Variants in MITF observed in about 807,000 individuals in gnomAD.
MITF encodes the protein melanocyte inducing transcription factor.
Under a neutral mutation model 60.5 loss-of-function variants are expected in MITF, and 17 were observed. The observed-to-expected ratio is 0.28, with a 90% CI of 0.19 to 0.42. The LOEUF (loss-of-function observed/expected upper bound fraction) is 0.42, where lower values mean the gene tolerates loss of function less well. MITF is among the 10% of genes least tolerant of loss of function. MITF has a pLI of 1.00. For missense variants in MITF, 622 were observed against 683.5 expected, an observed-to-expected ratio of 0.91 and a Z score of 1.00; for synonymous variants, 260 against 248.5, an observed-to-expected ratio of 1.05 and a Z score of -0.43.
chr3:69,877,149 T>TA (rs1295527858), intron 1 of MITF, among the ~76,000 whole-genome samples: 1 of 152,150 alleles, frequency 6.6e-6, no homozygotes. Flanking sequence ...TTGCACAATT[T>TA]AAAAAAATAG....
chr3:69,878,173 C>G (rs2107271958), intron 1 of MITF, among the ~76,000 whole-genome samples: 1 of 152,194 alleles, frequency 6.6e-6, no homozygotes, highest in African/African-American at 2.4e-5. Flanking sequence ...TTTAAAAGAA[C>G]AGCTCCCACC....
At chr3:69,853,517 A>G (rs2063861486) in intron 1 of MITF, among the ~76,000 whole-genome samples, 1 of 152,146 alleles carries the variant, frequency 6.6e-6, no homozygotes, top group Non-Finnish European at 1.5e-5. Context: ...GTAAAGACCA[A>G]TAAAATGAAT....
chr3:69,836,451 T>C (rs1197263723), intron 1 of MITF, among the ~76,000 whole-genome samples: 6 of 152,336 alleles, frequency 3.9e-5, no homozygotes, highest in African/African-American at 1.4e-4. Flanking sequence ...CTGGTAGGTT[T>C]AAATGCTACA....
chr3:69,871,906 G>C (rs1032015136), intron 1 of MITF, among the ~76,000 whole-genome samples: 2 of 152,138 alleles, frequency 1.3e-5, no homozygotes, highest in African/African-American at 4.8e-5. Context: ...ACTCTCAGTG[G>C]AGCATCTTGC....
chr3:69,869,049 G>C (rs928632886), intron 1 of MITF, among the ~76,000 whole-genome samples: 1 of 152,102 alleles, frequency 6.6e-6, no homozygotes, highest in Non-Finnish European at 1.5e-5. Context: ...GATCCCTAGA[G>C]CCCAGAGTTC....
rs2872940 is a variant in MITF at position 69,756,819 on chromosome 3, T to C, written c.104+17118T>C. The stretch of plus-strand genomic sequence containing the variant: ...TCTTGTTTCCTGACTTTTTAATGAT[T>C]GCTACTCTGACTGGTGTGAGATGGT... On this transcript the variant is annotated intron_variant, in intron 1 of 9. Coordinates refer to ENST00000352241, the MANE Select transcript of MITF (RefSeq NM_001354604.2). Among the ~76,000 whole-genome samples the C allele has an allele frequency of 1.6e-3, 248 of 152,304 alleles. 6 individuals carry two copies. In the East Asian group the frequency reaches 0.044, roughly 27 times the overall value.
rs185811559 is a variant in MITF at position 69,767,262 on chromosome 3, A to G, written c.104+27561A>G. On this transcript the variant is annotated intron_variant, in intron 1 of 9. Transcript: ENST00000352241. The stretch of plus-strand genomic sequence containing the variant: ...ATGGGCTCTGCCTTCTTGTAACTCA[A>G]AGTGACATAAGTATGATGCTAGGTC... 6.7e-3 allele frequency among the ~76,000 whole-genome samples: 1,018 copies of G among 152,272 alleles called. 9 individuals carry two copies. The highest frequency in any genetic ancestry group is 0.011 in the Non-Finnish European group (716 of 68,018).
chr3:69,759,779 C>T (rs376568671), intron 1 of MITF, among the ~76,000 whole-genome samples: 9 of 152,048 alleles, frequency 5.9e-5, no homozygotes, highest in Non-Finnish European at 1.2e-4. Flanking sequence ...GGTACCTGAT[C>T]GCTCTCTTTT....
At chr3:69,895,725 C>A (rs1455894241) in intron 2 of MITF, among the ~76,000 whole-genome samples, 1 of 151,304 alleles carries the variant, frequency 6.6e-6, no homozygotes, top group Non-Finnish European at 1.5e-5. Flanking sequence ...TGACTCACTT[C>A]TATAAATATT....
At chr3:69,915,981 A>T (rs539981975) in intron 2 of MITF, among the ~76,000 whole-genome samples, 1 of 152,338 alleles carries the variant, frequency 6.6e-6, no homozygotes, top group Non-Finnish European at 1.5e-5. Context: ...GAGTAGGAGG[A>T]TGATTCTGCA....
At chr3:69,899,707 A>G (rs1208183672) in intron 2 of MITF, among the ~76,000 whole-genome samples, 1 of 152,184 alleles carries the variant, frequency 6.6e-6, no homozygotes, top group Non-Finnish European at 1.5e-5. Context: ...ACCCACTTGG[A>G]AAAAATTCTT....
intron 1 of MITF, among the ~76,000 whole-genome samples, chr3:69,851,903 T>A (rs2063830252): frequency 6.6e-6 from 1 of 152,230 alleles, no homozygotes; most frequent in Admixed American, 6.5e-5. Context: ...TTAAATTTCA[T>A]AAATTTAATT....
In MITF at chr3:69,948,742, T is replaced by C. The variant is rs186044075; in HGVS notation, c.763-309T>C. 1.1e-3 allele frequency among the ~76,000 whole-genome samples: 162 copies of C among 152,246 alleles called. 1 individual carries two copies. Among genetic ancestry groups the C allele is most frequent in the African/African-American group, 3.6e-3 (150 of 41,544 alleles). ...ACTGTTTGCTACTAGTTGTACTAGATAATGCATTCACCACATTATTCATTG... is the reference window on the plus strand; with the variant it reads ...ACTGTTTGCTACTAGTTGTACTAGACAATGCATTCACCACATTATTCATTG... On this transcript the variant is annotated intron_variant, in intron 5 of 9. Coordinates refer to ENST00000352241, the MANE Select transcript of MITF (RefSeq NM_001354604.2).
At chr3:69,776,686 T>C (rs1398439488) in intron 1 of MITF, among the ~76,000 whole-genome samples, 5 of 152,168 alleles carry the variant, frequency 3.3e-5, no homozygotes, top group African/African-American at 1.2e-4. Context: ...GCTTCAATTT[T>C]CTCTTTTTGT....
chr3:69,945,557 A>G (rs991629378), intron 5 of MITF, among the ~76,000 whole-genome samples: 1 of 152,210 alleles, frequency 6.6e-6, no homozygotes, highest in Non-Finnish European at 1.5e-5. Flanking sequence ...TTTAAAATGC[A>G]TGGCTAGGAG....
At chr3:69,929,214 G>A (rs1386659242) in intron 2 of MITF, among the ~76,000 whole-genome samples, 1 of 152,150 alleles carries the variant, frequency 6.6e-6, no homozygotes, top group Non-Finnish European at 1.5e-5. Context: ...GTTCCACACT[G>A]CTTCACTGAC....
At chr3:69,953,684 G>GAGAGAC (rs573498755) in intron 7 of MITF, among the ~76,000 whole-genome samples, 11,847 of 143,384 alleles carry the variant, frequency 0.083, 664 homozygotes, top group South Asian at 0.21. Context: ...GAGAGAGAGA[G>GAGAGAC]AGAGACAGAG....
chr3:69,788,275 T>TCCCTCCC (rs1364948624), intron 1 of MITF, among the ~76,000 whole-genome samples: 1 of 124,404 alleles, frequency 8.0e-6, no homozygotes, highest in Non-Finnish European at 1.7e-5. Context: ...CCTGATGCTA[T>TCCCTCCC]CCCTCCCCCC....
At chr3:69,749,829 T>C (rs180949163) in intron 1 of MITF, among the ~76,000 whole-genome samples, 258 of 152,336 alleles carry the variant, frequency 1.7e-3, no homozygotes, top group African/African-American at 5.9e-3. Flanking sequence ...CTCAGCGTGG[T>C]AATTTTTCCA....
Sources: allele counts gnomAD v4.1 joint callset (sites outside exome capture counted in the v4.1 genomes callset), GRCh38; gene constraint gnomAD v4.1.1; transcripts MANE v1.5; gene names NCBI Gene and HGNC (gene_info 2026-07-23, HGNC 2026-07-21).